SYNGR1: variants seen among roughly 807,000 people sequenced by gnomAD.
SYNGR1 encodes the protein synaptogyrin-1.
Under a neutral mutation model 26.1 loss-of-function variants are expected in SYNGR1, and 14 were observed. That is an observed-to-expected ratio of 0.54 (90% CI 0.35 to 0.84). SYNGR1 has a LOEUF of 0.84. Among genes scored for constraint, SYNGR1 ranks in the 40% least tolerant of loss-of-function variants. SYNGR1 has a pLI of 0.01. For missense variants in SYNGR1, 319 were observed against 332.9 expected (o/e 0.96, Z 0.33); for synonymous variants, 141 against 150.1 (o/e 0.94, Z 0.44).
At chr22:39,366,176 G>T (rs921501864) in intron 1 of SYNGR1, among the ~76,000 whole-genome samples, 1 of 148,618 alleles carries the variant, frequency 6.7e-6, no homozygotes, top group East Asian at 2.1e-4. Context: ...TGTTGCCTAG[G>T]CTGGTCTCAA....
intron 1 of SYNGR1, among the ~76,000 whole-genome samples, chr22:39,371,706 A>T (rs1601661938): frequency 6.6e-6 from 1 of 151,980 alleles, no homozygotes; most frequent in South Asian, 2.1e-4. Flanking sequence ...GCTGGTCTTG[A>T]ACTCCTGGAC....
chr22:39,369,326 T>G (rs1473281056), intron 1 of SYNGR1, among the ~76,000 whole-genome samples: 1 of 151,264 alleles, frequency 6.6e-6, no homozygotes, highest in African/African-American at 2.4e-5. Context: ...AGAGTCTGCC[T>G]TGCTTGTCTT....
Position 39,381,865 on chromosome 22 carries a change from C to A in SYNGR1, c.653C>A (p.Ala218Asp). Residue 218 changes from alanine to aspartate, a missense_variant, in exon 4 of 4, where the codon GCC (alanine) becomes GAC (aspartate). Transcript: ENST00000328933. ...ATGGGCGGCACCTACCAGCAGCCGG[C>A]CAACACCTTCGACACCGAGCCCCAG... ...AGMGGTYQQP[A>D]NTFDTEPQGY... is the part of the protein sequence containing the mutation. 6.2e-7 allele frequency: 1 copy of A among 1,612,918 alleles called. No individual in the cohort carries two copies. The highest frequency in any genetic ancestry group is 8.5e-7 in the Non-Finnish European group (1 of 1,179,880).
chr22:39,363,359 C>T (rs954583663), intron 1 of SYNGR1, among the ~76,000 whole-genome samples: 1 of 151,916 alleles, frequency 6.6e-6, no homozygotes, highest in Non-Finnish European at 1.5e-5. Context: ...TGTGGGGGTG[C>T]AAGTGGACAT....
rs761730237 is a variant in SYNGR1, at chr22:39,374,427, G to A, written c.211G>A (p.Gly71Ser). Residue 71 changes from glycine to serine, a missense_variant, in exon 2 of 4, where the codon GGC becomes AGC. Transcript: ENST00000328933. ...CCGCAACCCCAACGCCTGCAGCTAT[G>A]GCGTGGCCGTGGGCGTGCTCGCCTT... The part of the protein sequence containing the change: ...YNRNPNACSY[G>S]VAVGVLAFLT... 3 of 1,614,028 alleles carry A rather than the reference G, an allele frequency of 1.9e-6. No homozygotes were observed. In the Admixed American group the frequency reaches 5.0e-5, roughly 27 times the overall value.
Position 39,384,466 on chromosome 22 carries a change from CA to C in SYNGR1, c.*2553del, listed in dbSNP as rs937356220. The C allele has an allele frequency of 7.5e-6, 3 of 398,536 alleles. No homozygotes were observed. Among genetic ancestry groups the C allele is most frequent in the African/African-American group, 6.2e-5 (3 of 48,648 alleles). 24.7% of individuals were successfully genotyped at this position (398,536 alleles called of 1,614,324 possible). A position where few individuals can be genotyped will look rare whatever the true frequency, so the allele number is the denominator to read the frequency against. On this transcript the variant is annotated 3_prime_UTR_variant, in exon 4 of 4. Transcript: ENST00000328933. Reference sequence around the variant, plus strand: ...CCCTTCCAGGCATGATCTTCCCCATCAGGCTGGGCTCTGGCAGGGACCTGCC... The same window carrying C: ...CCCTTCCAGGCATGATCTTCCCCATCGGCTGGGCTCTGGCAGGGACCTGCC...
At chr22:39,359,710 G>A (rs1452765257) in intron 1 of SYNGR1, among the ~76,000 whole-genome samples, 1 of 150,802 alleles carries the variant, frequency 6.6e-6, no homozygotes, top group Non-Finnish European at 1.5e-5. Context: ...TCCTGCTCCA[G>A]TCCTGGTCAT....
intron 1 of SYNGR1, among the ~76,000 whole-genome samples, chr22:39,373,396 G>A (rs1489947985): frequency 6.6e-6 from 1 of 152,100 alleles, no homozygotes; most frequent in Admixed American, 6.5e-5. Context: ...TCAAACTCCT[G>A]ACCTCGTGAT....
intron 3 of SYNGR1, chr22:39,377,432 G>C: frequency 1.0e-6 from 1 of 985,422 alleles, no homozygotes; most frequent in South Asian, 4.7e-5. Flanking sequence ...CCAGCCTACA[G>C]GGAGGAGTTT....
At chr22:39,366,954 G>A (rs756855775) in intron 1 of SYNGR1, among the ~76,000 whole-genome samples, 2 of 152,064 alleles carry the variant, frequency 1.3e-5, no homozygotes, top group African/African-American at 4.8e-5. Context: ...GGCTCCTATC[G>A]TGCGGGCCTC....
At chr22:39,362,724 G>A (rs972408283) in intron 1 of SYNGR1, among the ~76,000 whole-genome samples, 44 of 152,102 alleles carry the variant, frequency 2.9e-4, no homozygotes, top group Admixed American at 1.6e-3. Context: ...GAGAGGGCTC[G>A]GCAGCCCCCT....
chr22:39,360,066 C>T (rs929813186), intron 1 of SYNGR1, among the ~76,000 whole-genome samples: 64 of 152,316 alleles, frequency 4.2e-4, no homozygotes, highest in African/African-American at 1.4e-3. Flanking sequence ...GCATCACACT[C>T]GCCTGGCACA....
chr22:39,362,624 C>G (rs1432545227), intron 1 of SYNGR1, among the ~76,000 whole-genome samples: 4 of 152,156 alleles, frequency 2.6e-5, no homozygotes, highest in African/African-American at 9.7e-5. Context: ...CAAAGTGTGA[C>G]CGCTCCCTTC....
intron 1 of SYNGR1, among the ~76,000 whole-genome samples, chr22:39,360,389 C>T (rs1339973268): frequency 6.6e-6 from 1 of 152,186 alleles, no homozygotes; most frequent in East Asian, 1.9e-4. Context: ...CTTCTGCGGT[C>T]TCCCACACGC....
At chr22:39,374,967 CA>C (rs942359272) in intron 2 of SYNGR1, 3 of 283,186 alleles carry the variant, frequency 1.1e-5, no homozygotes, top group Non-Finnish European at 2.1e-5. Flanking sequence ...TCAGCCTCCC[CA>C]CGCCTCCCAG....
chr22:39,373,087 C>G (rs1925103073), intron 1 of SYNGR1, among the ~76,000 whole-genome samples: 2 of 151,756 alleles, frequency 1.3e-5, no homozygotes, highest in Admixed American at 1.3e-4. Context: ...TGGGATCATG[C>G]AGGGTGCCCT....
intron 3 of SYNGR1, chr22:39,377,931 T>C: frequency 7.4e-7 from 1 of 1,343,954 alleles, no homozygotes; most frequent in Non-Finnish European, 9.7e-7. Flanking sequence ...TGCCTAGTGA[T>C]GAATTAGGTG....
At chr22:39,365,863 A>G (rs371142441) in intron 1 of SYNGR1, among the ~76,000 whole-genome samples, 53 of 150,148 alleles carry the variant, frequency 3.5e-4, no homozygotes, top group African/African-American at 1.3e-3. Context: ...ACACCTGGCT[A>G]ATTTTTGTAT....
In SYNGR1 at chr22:39,381,982, T is replaced by C; in HGVS notation, c.*68T>C. On this transcript the variant is annotated 3_prime_UTR_variant, in exon 4 of 4. Coordinates refer to ENST00000328933, the MANE Select transcript of SYNGR1 (RefSeq NM_004711.5). ...TCTCTCCACACCCAGCCCCTGCTCC[T>C]GCCCAGGCTGCCCTGCCCAGCGCCT... 1 of 1,495,678 alleles carries C rather than the reference T, an allele frequency of 6.7e-7. No individual in the cohort carries two copies. Among genetic ancestry groups the C allele is most frequent in the South Asian group, 1.2e-5 (1 of 83,386 alleles). The allele number at this position is 1,495,678 out of a possible 1,614,324, so 92.7% of individuals were successfully genotyped here.
Sources: gnomAD v4.1 joint callset for allele counts (sites outside exome capture counted in the v4.1 genomes callset) on GRCh38, gnomAD v4.1.1 for gene constraint, MANE v1.5 for transcripts, NCBI Gene and HGNC (gene_info 2026-07-23, HGNC 2026-07-21) for gene names.